The following RAPSN variants were observed in gnomAD, a reference collection of about 807,000 sequenced individuals.
RAPSN encodes 43 kDa receptor-associated protein of the synapse.
Under a neutral mutation model 45.7 loss-of-function variants are expected in RAPSN, and 33 were observed. The ratio of observed to expected loss-of-function variants is 0.72; its 90% CI spans 0.55 to 0.97. RAPSN has a LOEUF of 0.97. RAPSN is among the 50% of genes least tolerant of loss of function. The pLI, the probability that RAPSN is intolerant of heterozygous loss-of-function variation, is 0.00. For synonymous variants in RAPSN, 244 were observed against 233.6 expected, an observed-to-expected ratio of 1.04 and a Z score of -0.40; for missense variants, 519 against 559.4, an observed-to-expected ratio of 0.93 and a Z score of 0.73.
At position 47,442,826 on chromosome 11, in the gene RAPSN, A is replaced by G. The variant is rs768129120; in HGVS notation, c.532-12T>C. On this transcript the variant is annotated splice_polypyrimidine_tract_variant and intron_variant, in intron 2 of 7. Coordinates refer to ENST00000298854, the MANE Select transcript of RAPSN (RefSeq NM_005055.5). ...GCTTTCTCGTAGTCCTGCAGGGGAC[A>G]TGGAATGGAAGGAGGCAAACTGAGT... 3 of 1,613,688 alleles carry G rather than the reference A, an allele frequency of 1.9e-6. No individual in the cohort carries two copies. The highest frequency in any genetic ancestry group is 1.7e-5 in the Admixed American group (1 of 60,022).
In RAPSN at chr11:47,448,126, C is replaced by T; in HGVS notation, c.217G>A (p.Ala73Thr). 6.2e-7 allele frequency: 1 copy of T among 1,612,816 alleles called. No individual in the cohort carries two copies. The highest frequency in any genetic ancestry group is 8.5e-7 in the Non-Finnish European group (1 of 1,179,994). The change falls in exon 2 of 8, where the codon GCC (alanine) becomes ACC (threonine). Residue 73 changes from alanine to threonine, a missense_variant. Transcript: ENST00000298854. ...AAGTCGGCATCCTCCAGCTCCCGGG[C>T]CGTGTCGATCTGGACCACAGCGAAC... ...LKFAVVQIDT[A>T]RELEDADFLL... is the part of the protein sequence containing the mutation.
chr11:47,439,057 G>A, intron 6 of RAPSN, 126 bp from the exon 7 acceptor site: 3 of 1,066,274 alleles, frequency 2.8e-6, no homozygotes, highest in Non-Finnish European at 4.1e-6. Flanking sequence ...CCCTCTCTGG[G>A]ACCTTGCTTC....
Position 47,448,052 on chromosome 11 carries a change from G to A in RAPSN, c.291C>T (p.Cys97=). ...AGTAGGAGATGGTCTTGTGAAACTC[G>A]CACAGCTTCTCGTTGCTGCGTGCCA... The part of the protein sequence containing the change: ...LNLARSNEKL[C]EFHKTISYCK... Residue 97 remains cysteine (C), a synonymous_variant, in exon 2 of 8, where the codon TGC becomes TGT. Transcript: ENST00000298854. The A allele has an allele frequency of 3.1e-6, 5 of 1,613,952 alleles. No homozygotes were observed. The highest frequency in any genetic ancestry group is 1.1e-5 in the South Asian group (1 of 91,070).
intron 5 of RAPSN, 25 bp downstream of exon 5, chr11:47,441,586 G>A (rs1454924732): frequency 3.7e-6 from 6 of 1,602,162 alleles, no homozygotes; most frequent in Admixed American, 3.3e-5. Context: ...GAGGGCTGGA[G>A]GCTGTGGGAA....
Position 47,442,668 on chromosome 11 carries a change from C to T in RAPSN, c.678G>A (p.Met226Ile), listed in dbSNP as rs2076374504. ...YRLLGRLGSA[M>I]ECCEESMKIA... is the part of the protein sequence containing the mutation. Reference sequence around the variant, plus strand: ...CCCGCTGCCCCACCTCACAACACTCCATGGCACTGCCCAGGCGGCCCAGCA... The same window carrying T: ...CCCGCTGCCCCACCTCACAACACTCTATGGCACTGCCCAGGCGGCCCAGCA... Residue 226 changes from methionine to isoleucine, a missense_variant, in exon 3 of 8, where the codon ATG becomes ATA. Transcript: ENST00000298854. 1 of 1,614,184 alleles carries T rather than the reference C, an allele frequency of 6.2e-7. No individual in the cohort carries two copies. Among genetic ancestry groups the T allele is most frequent in the South Asian group, 1.1e-5 (1 of 91,090 alleles).
intron 2 of RAPSN, among the ~76,000 whole-genome samples, chr11:47,447,017 A>G (rs3824867): frequency 0.6 from 90,256 of 151,596 alleles, 29,034 homozygotes; most frequent in South Asian, 0.78. Flanking sequence ...CACCTGAGAC[A>G]CGCCTGGCAG....
rs187517680 is a variant in RAPSN at position 47,447,160 on chromosome 11, C to T, written c.531+652G>A. Among the ~76,000 whole-genome samples, 226 of 152,196 alleles carry T rather than the reference C, an allele frequency of 1.5e-3. 5 individuals carry two copies. The highest frequency in any genetic ancestry group is 0.014 in the Admixed American group (220 of 15,282). ...TCTCACCAGATTTTTGCATGGCACA[C>T]CCTCTCTTCTTCAAGCCATCAAACA... On this transcript the variant is annotated intron_variant, in intron 2 of 7. Coordinates refer to ENST00000298854, the MANE Select transcript of RAPSN (RefSeq NM_005055.5).
intron 6 of RAPSN, among the ~76,000 whole-genome samples, chr11:47,439,807 G>C (rs529779914): frequency 6.7e-6 from 1 of 149,116 alleles, no homozygotes; most frequent in South Asian, 2.1e-4. Context: ...CCACCTCCCG[G>C]GTTCAAGTGA....
chr11:47,438,482 C>G, intron 7 of RAPSN: 1 of 577,624 alleles, frequency 1.7e-6, no homozygotes, highest in Non-Finnish European at 3.1e-6. Flanking sequence ...ACCACCATGC[C>G]TGGGTAATTT....
Position 47,437,874 on chromosome 11 carries a change from G to A in RAPSN, c.*101C>T. 6.8e-7 allele frequency: 1 copy of A among 1,470,592 alleles called. No individual in the cohort carries two copies. The highest frequency in any genetic ancestry group is 9.3e-7 in the Non-Finnish European group (1 of 1,076,296). 91.1% of individuals were successfully genotyped at this position (1,470,592 alleles called of 1,614,324 possible). ...CAGGCCCCAAGGCCTTGGCTATGGTGAGGACGACCTGGCAGCTGCCCCAGG... is the reference window on the plus strand; with the variant it reads ...CAGGCCCCAAGGCCTTGGCTATGGTAAGGACGACCTGGCAGCTGCCCCAGG... On this transcript the variant is annotated 3_prime_UTR_variant, in exon 8 of 8. Transcript: ENST00000298854.
At chr11:47,438,073 C>A in intron 7 of RAPSN, 26 bp from the exon 8 acceptor site, 1 of 1,549,440 alleles carries the variant, frequency 6.5e-7, no homozygotes, top group Non-Finnish European at 8.7e-7. Flanking sequence ...GCCCTGTCCA[C>A]TCCCCTGAGG....
At chr11:47,441,995 C>T in intron 3 of RAPSN, 74 bp from the exon 4 acceptor site, 1 of 1,430,988 alleles carries the variant, frequency 7.0e-7, no homozygotes, top group East Asian at 2.5e-5. Context: ...CAACAGACCC[C>T]TCTGAAGGGA....
intron 2 of RAPSN, 57 bp downstream of exon 2, chr11:47,447,755 T>C: frequency 6.5e-7 from 1 of 1,538,142 alleles, no homozygotes; most frequent in Non-Finnish European, 8.8e-7. Context: ...GGTGTGTGCC[T>C]CATGAGAGGG....
chr11:47,449,117 G>T lies in RAPSN; in HGVS notation c.-153C>A. ...AGCCGGAATGGGGCCTGGATGGAGA[G>T]CAGGCGCCACCCTGGGAACAAAGCT... On this transcript the variant is annotated 5_prime_UTR_variant, in exon 1 of 8. Transcript: ENST00000298854. The T allele has an allele frequency of 1.1e-6, 1 of 879,234 alleles. No individual in the cohort carries two copies. Among genetic ancestry groups the T allele is most frequent in the Non-Finnish European group, 1.8e-6 (1 of 547,632 alleles). The allele number at this position is 879,234 out of a possible 1,614,324, so 54.5% of individuals were successfully genotyped here.
chr11:47,437,964 G>C lies in RAPSN; in HGVS notation c.*11C>G. 1 of 1,550,932 alleles carries C rather than the reference G, an allele frequency of 6.4e-7. No homozygotes were observed. The highest frequency in any genetic ancestry group is 1.2e-5 in the South Asian group (1 of 84,034). ...AGTGGCGAGGAGGAAGCCCACGCCTGCTGCCAGGAGTCATACAAAGCCAGG... is the reference window on the plus strand; with the variant it reads ...AGTGGCGAGGAGGAAGCCCACGCCTCCTGCCAGGAGTCATACAAAGCCAGG... On this transcript the variant is annotated 3_prime_UTR_variant, in exon 8 of 8. Coordinates refer to ENST00000298854, the MANE Select transcript of RAPSN (RefSeq NM_005055.5).
chr11:47,441,781 C>T, intron 4 of RAPSN, 42 bp downstream of exon 4: 1 of 1,323,706 alleles, frequency 7.6e-7, no homozygotes, highest in Middle Eastern at 2.4e-4. Flanking sequence ...AGGCCTGTGC[C>T]CCTGCCCCCT....
chr11:47,443,783 G>T (rs1230132081), intron 2 of RAPSN, among the ~76,000 whole-genome samples: 2 of 151,690 alleles, frequency 1.3e-5, no homozygotes, highest in East Asian at 3.9e-4. Flanking sequence ...AATAAAATCA[G>T]CTGTGCATAG....
At position 47,438,860 on chromosome 11, in the gene RAPSN, C is replaced by T. The variant is rs764482974; in HGVS notation, c.1038G>A (p.Arg346=). 7 of 1,567,936 alleles carry T rather than the reference C, an allele frequency of 4.5e-6. No individual in the cohort carries two copies. The highest frequency in any genetic ancestry group is 6.1e-6 in the Non-Finnish European group (7 of 1,155,788). ...ACTCGTGGAACCTCACAACGTGCGCCCGCAGTTCCCGCTGCAGCCCTTTGC... is the reference window on the plus strand; with the variant it reads ...ACTCGTGGAACCTCACAACGTGCGCTCGCAGTTCCCGCTGCAGCCCTTTGC... The part of the protein sequence containing the change: ...YRSKGLQREL[R]AHVVRFHECV... Residue 346 remains arginine, a synonymous_variant, in exon 7 of 8, where the codon CGG becomes CGA. Coordinates refer to ENST00000298854, the MANE Select transcript of RAPSN (RefSeq NM_005055.5).
intron 1 of RAPSN, 94 bp downstream of exon 1, chr11:47,448,679 G>T: frequency 6.6e-7 from 1 of 1,511,738 alleles, no homozygotes; most frequent in Non-Finnish European, 9.0e-7. Context: ...GTGGGACACA[G>T]GGGAGCCCGA....
Sources: allele counts gnomAD v4.1 joint callset (sites outside exome capture counted in the v4.1 genomes callset), GRCh38; gene constraint gnomAD v4.1.1; transcripts MANE v1.5; gene names NCBI Gene and HGNC (gene_info 2026-07-23, HGNC 2026-07-21).